The following CFTR variants were observed in gnomAD, a reference collection of about 807,000 sequenced individuals.
The protein encoded by CFTR is CF transmembrane conductance regulator.
A neutral mutation model predicts 171.6 loss-of-function variants in CFTR; 181 were observed. The observed-to-expected ratio is 1.05, with a 90% CI of 0.93 to 1.19. The LOEUF is 1.19. Ranked by LOEUF, CFTR falls within the 50% of genes most tolerant of loss-of-function variation. The pLI is 0.00. For missense variants in CFTR, 1,968 were observed against 1,734.7 expected (o/e 1.13, Z -2.39); for synonymous variants, 583 against 608.0 (o/e 0.96, Z 0.60).
intron 21 of CFTR, among the ~76,000 whole-genome samples, chr7:117,621,596 T>C (rs1011078162): frequency 6.6e-6 from 1 of 152,158 alleles, no homozygotes; most frequent in Non-Finnish European, 1.5e-5. Context: ...CTACAAGACA[T>C]GTAAAGGATG....
intron 10 of CFTR, among the ~76,000 whole-genome samples, chr7:117,553,997 AGG>A (rs1235370848): frequency 1.3e-5 from 2 of 152,100 alleles, no homozygotes; most frequent in Non-Finnish European, 2.9e-5. Flanking sequence ...TAAGACAGGG[AGG>A]GTAGAATACT....
intron 24 of CFTR, among the ~76,000 whole-genome samples, chr7:117,661,576 G>A (rs1243575347): frequency 3.3e-5 from 5 of 152,184 alleles, no homozygotes; most frequent in Non-Finnish European, 4.4e-5. Flanking sequence ...CACTAACTTC[G>A]CAGTATTGCA....
intron 21 of CFTR, among the ~76,000 whole-genome samples, chr7:117,624,125 G>C (rs533310437): frequency 3.3e-5 from 5 of 152,230 alleles, no homozygotes; most frequent in African/African-American, 9.6e-5. Flanking sequence ...TACTTTTTCT[G>C]TGATTGAGTT....
At chr7:117,505,479 T>A (rs1401843022) in intron 2 of CFTR, among the ~76,000 whole-genome samples, 2 of 152,218 alleles carry the variant, frequency 1.3e-5, no homozygotes, top group African/African-American at 4.8e-5. Flanking sequence ...ATTTGCCTTA[T>A]GCTGGTTTTA....
At chr7:117,485,316 T>A (rs1486158015) in intron 1 of CFTR, among the ~76,000 whole-genome samples, 1 of 152,178 alleles carries the variant, frequency 6.6e-6, no homozygotes. Flanking sequence ...GCAATTTTGA[T>A]CCTGAGGCAT....
chr7:117,503,708 ATAAT>A (rs1240844295), intron 1 of CFTR, among the ~76,000 whole-genome samples: 1 of 152,216 alleles, frequency 6.6e-6, no homozygotes, highest in Non-Finnish European at 1.5e-5. Flanking sequence ...TTCAGACATG[ATAAT>A]TAAGTCAACA....
chr7:117,591,148 C>A (rs1047978370), intron 13 of CFTR, among the ~76,000 whole-genome samples: 1 of 152,022 alleles, frequency 6.6e-6, no homozygotes, highest in African/African-American at 2.4e-5. Flanking sequence ...CCTAGAAGTA[C>A]CTTTCTTAGA....
rs189756697 is a variant in CFTR at position 117,591,748 on chromosome 7, C to T, written c.1767-186C>T. ...AACTTTTCAATATAGCATGTTATTT[C>T]ATGCTATCAGAATTCACAAGGTACC... On this transcript the variant is annotated intron_variant, in intron 13 of 26. Coordinates refer to ENST00000003084, the MANE Select transcript of CFTR (RefSeq NM_000492.4). Among the ~76,000 whole-genome samples, 3 of 152,164 alleles carry T rather than the reference C, an allele frequency of 2.0e-5. No individual in the cohort carries two copies. The East Asian group carries it at 5.8e-4, about 29-fold the overall frequency.
At chr7:117,559,716 A>G in intron 11 of CFTR, 61 bp downstream of exon 11, 2 of 1,143,914 alleles carry the variant, frequency 1.7e-6, no homozygotes, top group Non-Finnish European at 2.6e-6. Flanking sequence ...TACCCAAATT[A>G]TATATTTGGC....
chr7:117,539,421 G>GTTT (rs201470587), intron 7 of CFTR, among the ~76,000 whole-genome samples: 1 of 145,730 alleles, frequency 6.9e-6, no homozygotes, highest in African/African-American at 2.5e-5. Flanking sequence ...AACCACTTGG[G>GTTT]TTTTTTTTTT....
rs397508443 is a variant in CFTR, at chr7:117,603,710, A to G, written c.2836A>G (p.Lys946Glu). ...PLVHTLITVS[K>E]ILHHKMLHSV... ...GGTGCATACTCTAATCACAGTGTCG[A>G]AAATTTTACACCACAAAATGTTACA... The change falls in exon 17 of 27, where the codon AAA (lysine) becomes GAA (glutamate). Residue 946 changes from lysine (K) to glutamate (E), a missense_variant. Transcript: ENST00000003084. The G allele has an allele frequency of 1.2e-6, 2 of 1,613,966 alleles. No homozygotes were observed. The highest frequency in any genetic ancestry group is 2.7e-5 in the African/African-American group (2 of 74,924).
chr7:117,648,707 T>C (rs1011214047), intron 23 of CFTR, among the ~76,000 whole-genome samples: 2 of 152,078 alleles, frequency 1.3e-5, no homozygotes, highest in East Asian at 1.9e-4. Flanking sequence ...AGAAAAGGAC[T>C]TGGGTGACCT....
chr7:117,582,895 C>T (rs563471807), intron 11 of CFTR, among the ~76,000 whole-genome samples: 4 of 152,210 alleles, frequency 2.6e-5, no homozygotes, highest in African/African-American at 7.2e-5. Context: ...ATATTCCATT[C>T]GATCTGAGTG....
chr7:117,666,992 C>G lies in CFTR; in HGVS notation c.4327C>G (p.Pro1443Ala), dbSNP rs1336644939. The change falls in exon 27 of 27, where the codon CCC (proline) becomes GCC (alanine). Residue 1443 changes from proline to alanine, a missense_variant. By Grantham distance (27) the Pro-to-Ala change is conservative (BLOSUM62 -1). Coordinates refer to ENST00000003084, the MANE Select transcript of CFTR (RefSeq NM_000492.4). Reference sequence around the variant, plus strand: ...GAGCCTCTTCCGGCAAGCCATCAGCCCCTCCGACAGGGTGAAGCTCTTTCC... The same window carrying G: ...GAGCCTCTTCCGGCAAGCCATCAGCGCCTCCGACAGGGTGAAGCTCTTTCC... ...ERSLFRQAIS[P>A]SDRVKLFPHR... is the part of the protein sequence containing the mutation. 1 of 1,613,922 alleles carries G rather than the reference C, an allele frequency of 6.2e-7. No individual in the cohort carries two copies. The highest frequency in any genetic ancestry group is 8.5e-7 in the Non-Finnish European group (1 of 1,179,948).
At chr7:117,638,284 A>G (rs988684539) in intron 22 of CFTR, among the ~76,000 whole-genome samples, 1 of 152,188 alleles carries the variant, frequency 6.6e-6, no homozygotes, top group Non-Finnish European at 1.5e-5. Flanking sequence ...GATGAAGCCA[A>G]CCACTTTCAG....
intron 2 of CFTR, among the ~76,000 whole-genome samples, chr7:117,505,777 T>G (rs1798403553): frequency 6.6e-6 from 1 of 152,218 alleles, no homozygotes; most frequent in Non-Finnish European, 1.5e-5. Flanking sequence ...GTAAAAACAT[T>G]GAGTTGACTT....
intron 7 of CFTR, among the ~76,000 whole-genome samples, chr7:117,537,793 GGGAATTGTTCAATT>G (rs1354313900): frequency 6.6e-6 from 1 of 152,164 alleles, no homozygotes; most frequent in Non-Finnish European, 1.5e-5. Context: ...AAGTTCTTGG[GGGAATTGTTCAATT>G]GGTAGATGTT....
chr7:117,641,775 TTC>T (rs1792918354), intron 22 of CFTR, among the ~76,000 whole-genome samples: 1 of 152,216 alleles, frequency 6.6e-6, no homozygotes, highest in Admixed American at 6.6e-5. Flanking sequence ...AAGAATAATT[TTC>T]TTTCTTTTCC....
chr7:117,565,222 T>C (rs1387396037), intron 11 of CFTR, among the ~76,000 whole-genome samples: 1 of 152,252 alleles, frequency 6.6e-6, no homozygotes, highest in African/African-American at 2.4e-5. Flanking sequence ...GAGACTTTGC[T>C]AGTTTAAAAG....
Sources: allele counts gnomAD v4.1 joint callset (sites outside exome capture counted in the v4.1 genomes callset), GRCh38; gene constraint gnomAD v4.1.1; transcripts MANE v1.5; gene names NCBI Gene and HGNC (gene_info 2026-07-23, HGNC 2026-07-21).